Variants in SIRPB1 observed in about 807,000 individuals in gnomAD.
SIRPB1 encodes the protein signal regulatory protein beta 1.
In SIRPB1, 28 loss-of-function variants were observed where a neutral mutation model predicts 34.1. The observed-to-expected ratio is 0.82, with a 90% CI of 0.61 to 1.12. The LOEUF is 1.12. Among genes scored for constraint, SIRPB1 ranks in the 50% most tolerant of loss-of-function variants. SIRPB1 has a pLI of 0.00. For missense variants in SIRPB1, 499 were observed against 507.0 expected, an observed-to-expected ratio of 0.98 and a Z score of 0.15; for synonymous variants, 211 against 203.8, an observed-to-expected ratio of 1.04 and a Z score of -0.30.
intron 1 of SIRPB1, among the ~76,000 whole-genome samples, chr20:1,579,255 A>G (rs1353835951): frequency 6.8e-6 from 1 of 148,142 alleles, no homozygotes; most frequent in Non-Finnish European, 1.5e-5. Context: ...CCTGGCCAAG[A>G]GGTTCAATTT....
chr20:1,614,390 T>G (rs2091600179), intron 1 of SIRPB1, among the ~76,000 whole-genome samples: 1 of 152,174 alleles, frequency 6.6e-6, no homozygotes, highest in Non-Finnish European at 1.5e-5. Flanking sequence ...CCTGCCCAGG[T>G]GACCAGGTAA....
chr20:1,571,198 A>C, intron 3 of SIRPB1, 61 bp from the exon 4 acceptor site: 7 of 1,506,632 alleles, frequency 4.6e-6, no homozygotes, highest in South Asian at 2.5e-5. Flanking sequence ...AGGGAGGGCT[A>C]AATAACGTAG....
chr20:1,597,648 T>G, intron 1 of SIRPB1: 3 of 204,938 alleles, frequency 1.5e-5, no homozygotes, highest in Non-Finnish European at 1.8e-5. Context: ...AATTTCACAT[T>G]GAGATTTGTA....
chr20:1,612,700 C>G (rs11699957), intron 1 of SIRPB1, among the ~76,000 whole-genome samples: 25,355 of 72,056 alleles, frequency 0.35, 11,046 homozygotes, highest in Middle Eastern at 0.58. Flanking sequence ...TCACCCATAG[C>G]ATAAACACAT....
rs899126284 is a variant in SIRPB1, at chr20:1,563,241, C to T, written c.*2259G>A. On this transcript the variant is annotated 3_prime_UTR_variant, in exon 6 of 6. Coordinates refer to ENST00000381605, the MANE Select transcript of SIRPB1 (RefSeq NM_006065.5). ...AGGCATGGTGGCTCATGCCTGTAAT[C>T]CCAGCACTTTGGGAGGCCAAGACAG... Among the ~76,000 whole-genome samples, 5 of 152,292 alleles carry T rather than the reference C, an allele frequency of 3.3e-5. No homozygotes were observed. Among genetic ancestry groups the T allele is most frequent in the African/African-American group, 1.2e-4 (5 of 41,568 alleles).
At chr20:1,569,046 T>C (rs902311066) in intron 4 of SIRPB1, among the ~76,000 whole-genome samples, 2 of 152,206 alleles carry the variant, frequency 1.3e-5, no homozygotes, top group African/African-American at 4.8e-5. Context: ...TATGAGAGGA[T>C]ATTATGAACA....
intron 1 of SIRPB1, among the ~76,000 whole-genome samples, chr20:1,612,000 C>CT (rs555243499): frequency 1.4e-5 from 1 of 69,316 alleles, no homozygotes; most frequent in Non-Finnish European, 2.7e-5. Flanking sequence ...TTTTCTTTTT[C>CT]TTTTTTTTAA....
chr20:1,570,812 G>T lies in SIRPB1; in HGVS notation c.1077C>A (p.Ile359=), dbSNP rs755169589. Residue 359 remains isoleucine (I), a synonymous_variant, in exon 4 of 6, where the codon ATC becomes ATA. Transcript: ENST00000381605. ...SAHQKEHGSD[I]THEAALAPTA... ...AATGGGAAGTAACCGCACCATGGGT[G>T]ATATCTGAGCCGTGCTCCTTCTGGT... is the stretch of plus-strand genomic sequence containing the variant. 1.9e-6 allele frequency: 3 copies of T among 1,609,878 alleles called. No individual in the cohort carries two copies. In the South Asian group the frequency reaches 3.3e-5, roughly 18 times the overall value.
At position 1,564,299 on chromosome 20, in the gene SIRPB1, A is replaced by G. The variant is rs1242199121; in HGVS notation, c.*1201T>C. 6.6e-6 allele frequency: 1 copy of G among 152,194 alleles called. No homozygotes were observed. Among genetic ancestry groups the G allele is most frequent in the East Asian group, 1.9e-4 (1 of 5,200 alleles). 9.4% of individuals were successfully genotyped at this position (152,194 alleles called of 1,614,324 possible). On this transcript the variant is annotated 3_prime_UTR_variant, in exon 6 of 6. Coordinates refer to ENST00000381605, the MANE Select transcript of SIRPB1 (RefSeq NM_006065.5). The stretch of plus-strand genomic sequence containing the variant: ...GCCTGTATTCGGCATAATACTCATC[A>G]AAATAAGGGCTAAAGAAAAATTAAT...
At position 1,570,797 on chromosome 20, in the gene SIRPB1, A is replaced by C; in HGVS notation, c.1084+8T>G. The C allele has an allele frequency of 8.9e-6, 14 of 1,581,002 alleles. No homozygotes were observed. The highest frequency in any genetic ancestry group is 1.2e-5 in the Non-Finnish European group (14 of 1,161,602). On this transcript the variant is annotated splice_region_variant and intron_variant, in intron 4 of 5. Coordinates refer to ENST00000381605, the MANE Select transcript of SIRPB1 (RefSeq NM_006065.5). ...AAGACAAAATTTAAAAATGGGAAGTAACCGCACCATGGGTGATATCTGAGC... is the reference window on the plus strand; with the variant it reads ...AAGACAAAATTTAAAAATGGGAAGTCACCGCACCATGGGTGATATCTGAGC...
chr20:1,572,515 T>C (rs1720557965), intron 2 of SIRPB1, among the ~76,000 whole-genome samples: 1 of 150,674 alleles, frequency 6.6e-6, no homozygotes, highest in African/African-American at 2.4e-5. Flanking sequence ...CCCCAGCTCC[T>C]CATCCGCAAA....
intron 1 of SIRPB1, among the ~76,000 whole-genome samples, chr20:1,612,275 G>A (rs2091577027): frequency 1.4e-5 from 1 of 72,764 alleles, no homozygotes; most frequent in Non-Finnish European, 2.6e-5. Context: ...GATTACAGAC[G>A]TGAGCCACCA....
In SIRPB1 at chr20:1,582,289, C is replaced by T. The variant is rs185643074; in HGVS notation, c.77-3595G>A. On this transcript the variant is annotated intron_variant, in intron 1 of 5. Transcript: ENST00000381605. ...TCCATTAAAACAACTGACTGGTTAC[C>T]CACTAGAATCTCCTGATTTGGATTC... 4.7e-4 allele frequency among the ~76,000 whole-genome samples: 23 copies of T among 48,772 alleles called. 11 individuals are homozygous for T. The highest frequency in any genetic ancestry group is 8.2e-4 in the African/African-American group (6 of 7,314). The allele number at this position is 48,772 out of a possible 152,430, so 32.0% of individuals were successfully genotyped here.
At chr20:1,613,744 T>C (rs1568708391) in intron 1 of SIRPB1, among the ~76,000 whole-genome samples, 1 of 152,152 alleles carries the variant, frequency 6.6e-6, no homozygotes, top group Non-Finnish European at 1.5e-5. Flanking sequence ...TGTGAGACGT[T>C]ATCAAATGTA....
intron 1 of SIRPB1, among the ~76,000 whole-genome samples, chr20:1,614,581 T>C (rs962824772): frequency 5.9e-5 from 9 of 151,986 alleles, no homozygotes; most frequent in African/African-American, 1.7e-4. Flanking sequence ...ATCTGCTTGA[T>C]TGAGCCTGCT....
chr20:1,567,954 A>T (rs1349289037), intron 4 of SIRPB1, among the ~76,000 whole-genome samples: 2 of 152,214 alleles, frequency 1.3e-5, no homozygotes, highest in African/African-American at 4.8e-5. Context: ...TGGGCATCAT[A>T]GAAGAGTAGC....
Position 1,609,697 on chromosome 20 carries a change from G to C in SIRPB1, c.76+10172C>G, listed in dbSNP as rs1192481824. 2.7e-5 allele frequency among the ~76,000 whole-genome samples: 2 copies of C among 72,840 alleles called. 1 individual carries two copies. Among genetic ancestry groups the C allele is most frequent in the Non-Finnish European group, 5.2e-5 (2 of 38,762 alleles). The allele number at this position is 72,840 out of a possible 152,430, so 47.8% of individuals were successfully genotyped here. On this transcript the variant is annotated intron_variant, in intron 1 of 5. Coordinates refer to ENST00000381605, the MANE Select transcript of SIRPB1 (RefSeq NM_006065.5). ...GCCTGTAATCTGAGCACTCTGGGAGGCTAAAGTGGGTGGATCACCTGAGGT... is the reference window on the plus strand; with the variant it reads ...GCCTGTAATCTGAGCACTCTGGGAGCCTAAAGTGGGTGGATCACCTGAGGT...
At chr20:1,565,731 G>A (rs998789411) in intron 5 of SIRPB1, among the ~76,000 whole-genome samples, 1 of 150,496 alleles carries the variant, frequency 6.6e-6, no homozygotes, top group Non-Finnish European at 1.5e-5. Context: ...CACACAGAAG[G>A]TCAGAGCAGG....
In SIRPB1 at chr20:1,619,877, C is replaced by T. The variant is rs865983979; in HGVS notation, c.68G>A (p.Arg23Lys). 13 of 1,612,496 alleles carry T rather than the reference C, an allele frequency of 8.1e-6. No homozygotes were observed. The highest frequency in any genetic ancestry group is 1.7e-5 in the Admixed American group (1 of 59,860). Residue 23 changes from arginine to lysine, a missense_variant, in exon 1 of 6, where the codon AGA becomes AAA. Physicochemically the swap from Arg to Lys is conservative, Grantham distance 26. Transcript: ENST00000381605. ...PFLLMTLLLG[R>K]LTGVAGEDEL... Reference sequence around the variant, plus strand: ...CCGAAGGCAGTGCTCACCTGTGAGTCTCCCCAGCAGTAGCGTCATCAGCAG... The same window carrying T: ...CCGAAGGCAGTGCTCACCTGTGAGTTTCCCCAGCAGTAGCGTCATCAGCAG...
Sources: allele counts gnomAD v4.1 joint callset (sites outside exome capture counted in the v4.1 genomes callset), GRCh38; gene constraint gnomAD v4.1.1; transcripts MANE v1.5; gene names NCBI Gene and HGNC (gene_info 2026-07-23, HGNC 2026-07-21).